PTPN1: variants seen among roughly 807,000 people sequenced by gnomAD.
PTPN1 encodes the protein tyrosine-protein phosphatase non-receptor type 1.
In PTPN1, 12 loss-of-function variants were observed where a neutral mutation model predicts 59.9. That is an observed-to-expected ratio of 0.20 (90% confidence interval 0.13 to 0.32). PTPN1 has a LOEUF of 0.32. Ranked by LOEUF, PTPN1 falls within the 10% of genes least tolerant of loss-of-function variation. PTPN1 has a pLI of 1.00. For synonymous variants in PTPN1, 178 were observed against 203.6 expected, an observed-to-expected ratio of 0.87 and a Z score of 1.07; for missense variants, 356 against 549.2, an observed-to-expected ratio of 0.65 and a Z score of 3.52.
chr20:50,547,495 C>T (rs1368018688), intron 1 of PTPN1, among the ~76,000 whole-genome samples: 2 of 152,042 alleles, frequency 1.3e-5, no homozygotes, highest in African/African-American at 2.4e-5. Flanking sequence ...TCCCGAGTAG[C>T]TGGGATTATA....
intron 1 of PTPN1, among the ~76,000 whole-genome samples, chr20:50,550,908 C>G (rs1166731093): frequency 6.6e-6 from 1 of 152,176 alleles, no homozygotes; most frequent in African/African-American, 2.4e-5. Context: ...GGGTGTTAAA[C>G]CCAGATTGTG....
At chr20:50,524,583 T>TTTTTTTTTTTTG in intron 1 of PTPN1, among the ~76,000 whole-genome samples, 1 of 131,728 alleles carries the variant, frequency 7.6e-6, no homozygotes, top group Non-Finnish European at 1.6e-5. Context: ...TTTTTTTTTT[T>TTTTTTTTTTTTG]TTTTTTTTTT....
At chr20:50,520,604 G>A (rs915350234) in intron 1 of PTPN1, among the ~76,000 whole-genome samples, 9 of 152,162 alleles carry the variant, frequency 5.9e-5, no homozygotes, top group African/African-American at 2.2e-4. Context: ...GCCCTTGCTT[G>A]ATAGAACATT....
intron 1 of PTPN1, among the ~76,000 whole-genome samples, chr20:50,540,089 C>T (rs2082644138): frequency 6.6e-6 from 1 of 152,104 alleles, no homozygotes; most frequent in Non-Finnish European, 1.5e-5. Context: ...GAGTTTCGCT[C>T]TTGTTGCCCA....
intron 1 of PTPN1, among the ~76,000 whole-genome samples, chr20:50,558,488 T>C (rs746317344): frequency 2.0e-5 from 3 of 152,246 alleles, no homozygotes; most frequent in African/African-American, 4.8e-5. Flanking sequence ...CATCTCTTTT[T>C]AGACTGGCCA....
rs754701369 is a variant in PTPN1, at chr20:50,579,906, C to T, written c.1068C>T (p.Ala356=). ...AAGAAAAAGGAAGCCCCTTAAATGC[C>T]GCACCCTACGGCATCGAAAGGTAAT... ...IKEEKGSPLN[A]APYGIESMSQ... The change falls in exon 8 of 10, where the codon GCC becomes GCT. Residue 356 remains alanine, a synonymous_variant. Transcript: ENST00000371621. The T allele has an allele frequency of 3.8e-5, 62 of 1,613,724 alleles. No homozygotes were observed. Among genetic ancestry groups the T allele is most frequent in the Admixed American group, 1.2e-4 (7 of 59,996 alleles).
At chr20:50,560,651 CAT>C (rs2082747835) in intron 1 of PTPN1, among the ~76,000 whole-genome samples, 1 of 149,040 alleles carries the variant, frequency 6.7e-6, no homozygotes, top group African/African-American at 2.5e-5. Context: ...ACATACAAAA[CAT>C]AAAGTGTTCC....
At chr20:50,548,064 G>A (rs1323063908) in intron 1 of PTPN1, among the ~76,000 whole-genome samples, 2 of 151,992 alleles carry the variant, frequency 1.3e-5, no homozygotes, top group East Asian at 3.9e-4. Flanking sequence ...CAGCTTGACC[G>A]TTTGCCTCCG....
At chr20:50,519,744 G>A (rs546425022) in intron 1 of PTPN1, among the ~76,000 whole-genome samples, 1 of 152,296 alleles carries the variant, frequency 6.6e-6, no homozygotes, top group Admixed American at 6.5e-5. Flanking sequence ...CAGTGTTTAT[G>A]TGCCAGGGTC....
rs533715091 is a variant in PTPN1 at position 50,583,465 on chromosome 20, A to G, written c.*750A>G. On this transcript the variant is annotated 3_prime_UTR_variant, in exon 10 of 10. Transcript: ENST00000371621. ...CTCCTCCCTGTTATCTGCTAGATCT[A>G]GTTCTCAATCACTGCTCCCCCGTGT... 2.6e-5 allele frequency: 4 copies of G among 152,398 alleles called. No individual in the cohort carries two copies. The South Asian group carries it at 8.3e-4, about 32-fold the overall frequency. The allele number at this position is 152,398 out of a possible 1,614,324, so 9.4% of individuals were successfully genotyped here.
Position 50,581,213 on chromosome 20 carries a change from C to T in PTPN1, c.1089-52C>T. ...TCCTGCCACAATAGCAGCATCCTTG[C>T]CATTCATTTTCTCCAAAGTGAGTAA... is the stretch of plus-strand genomic sequence containing the variant. On this transcript the variant is annotated intron_variant, in intron 8 of 9. Coordinates refer to ENST00000371621, the MANE Select transcript of PTPN1 (RefSeq NM_002827.4). 3.3e-6 allele frequency: 5 copies of T among 1,536,074 alleles called. No homozygotes were observed. In the South Asian group the frequency reaches 6.2e-5, roughly 19 times the overall value.
intron 8 of PTPN1, among the ~76,000 whole-genome samples, chr20:50,580,288 C>T (rs1303081775): frequency 6.6e-6 from 1 of 152,152 alleles, no homozygotes; most frequent in Non-Finnish European, 1.5e-5. Flanking sequence ...GCTTGAGTGC[C>T]CTCAGTCCCC....
At chr20:50,534,883 G>A (rs555070549) in intron 1 of PTPN1, among the ~76,000 whole-genome samples, 32 of 152,050 alleles carry the variant, frequency 2.1e-4, no homozygotes, top group African/African-American at 7.7e-4. Context: ...TTGCTACCAT[G>A]CCCAGCTAAC....
At chr20:50,574,701 A>T (rs2082827512) in intron 5 of PTPN1, 47 bp downstream of exon 5, 1 of 1,555,178 alleles carries the variant, frequency 6.4e-7, no homozygotes. Flanking sequence ...ACTGGTTCAC[A>T]TGCCTCTTCC....
At position 50,513,886 on chromosome 20, in the gene PTPN1, C is replaced by G. The variant is rs138666011; in HGVS notation, c.63+3296C>G. Among the ~76,000 whole-genome samples, 20 of 151,804 alleles carry G rather than the reference C, an allele frequency of 1.3e-4. No homozygotes were observed. The East Asian group carries it at 3.1e-3, about 23-fold the overall frequency. On this transcript the variant is annotated intron_variant, in intron 1 of 9. Transcript: ENST00000371621. ...AGAAAGATCTATACACTATGACTCA[C>G]TTCACTTAAAAAAAAAAAGACTAAC...
At chr20:50,511,735 G>A (rs180879995) in intron 1 of PTPN1, among the ~76,000 whole-genome samples, 10 of 152,274 alleles carry the variant, frequency 6.6e-5, no homozygotes, top group African/African-American at 2.2e-4. Context: ...TCATTGCGGG[G>A]GTTGTTAAGA....
intron 1 of PTPN1, among the ~76,000 whole-genome samples, chr20:50,533,333 A>G (rs941340352): frequency 2.0e-5 from 3 of 152,122 alleles, no homozygotes; most frequent in African/African-American, 7.2e-5. Context: ...CTTATTTAAG[A>G]TTAGTTTTCA....
At chr20:50,566,610 AT>A (rs200233768) in intron 3 of PTPN1, among the ~76,000 whole-genome samples, 16 of 149,784 alleles carry the variant, frequency 1.1e-4, no homozygotes, top group African/African-American at 3.4e-4. Context: ...CACCCTTCCC[AT>A]TTTTTTTTCA....
Position 50,579,893 on chromosome 20 carries a change from G to A in PTPN1, c.1055G>A (p.Ser352Asn), listed in dbSNP as rs371063445. The change falls in exon 8 of 10, where the codon AGC becomes AAC. Residue 352 changes from serine to asparagine, a missense_variant. This residue lies in a region of PTPN1 where 100 missense variants were observed against 107.7 expected (regional missense o/e 0.93). Transcript: ENST00000371621. ...KDCPIKEEKG[S>N]PLNAAPYGIE... ...TGCCCCATCAAGGAAGAAAAAGGAA[G>A]CCCCTTAAATGCCGCACCCTACGGC... 2.0e-5 allele frequency: 32 copies of A among 1,614,038 alleles called. No homozygotes were observed. Among genetic ancestry groups the A allele is most frequent in the Middle Eastern group, 1.7e-4 (1 of 6,060 alleles).
Sources: allele counts gnomAD v4.1 joint callset (sites outside exome capture counted in the v4.1 genomes callset), GRCh38; gene constraint gnomAD v4.1.1; regional missense constraint gnomAD v4.1.1; transcripts MANE v1.5; gene names NCBI Gene and HGNC (gene_info 2026-07-23, HGNC 2026-07-21).